TKT: variants seen among roughly 807,000 people sequenced by gnomAD.
TKT encodes epididymis luminal protein 107.
In TKT, 47 loss-of-function variants were observed where a neutral mutation model predicts 63.9. That is an observed-to-expected ratio of 0.74 (90% confidence interval 0.58 to 0.94). The LOEUF is 0.94. TKT is among the 40% of genes least tolerant of loss of function. The probability of loss-of-function intolerance (pLI) is 0.00; values close to 1 mark genes in which losing one functional copy is unlikely to be tolerated. For missense variants in TKT, 721 were observed against 846.2 expected (o/e 0.85, Z 1.84); for synonymous variants, 338 against 334.1 (o/e 1.01, Z -0.13).
Position 53,230,520 on chromosome 3 carries a change from C to T in TKT, c.1044G>A (p.Ser348=), listed in dbSNP as rs200352787. 40 of 1,614,046 alleles carry T rather than the reference C, an allele frequency of 2.5e-5. No individual in the cohort carries two copies. Among genetic ancestry groups the T allele is most frequent in the Middle Eastern group, 1.6e-4 (1 of 6,084 alleles). Residue 348 remains serine, a synonymous_variant, in exon 8 of 14, where the codon TCG becomes TCA. Transcript: ENST00000462138. ...LDGDTKNSTF[S]EIFKKEHPDR... ...CCGGGTGCTCCTTTTTGAAGATCTC[C>T]GAGAAGGTGGAATTTTTGGTGTCCC...
chr3:53,229,160 T>C, intron 9 of TKT, 23 bp from the exon 10 acceptor site: 1 of 1,613,980 alleles, frequency 6.2e-7, no homozygotes. Flanking sequence ...GGAAAGGATA[T>C]GCAGAAATAA....
intron 2 of TKT, among the ~76,000 whole-genome samples, chr3:53,241,645 C>T (rs564148116): frequency 6.6e-6 from 1 of 152,364 alleles, no homozygotes; most frequent in East Asian, 1.9e-4. Context: ...TTTCAGGGAT[C>T]TGTGGCTGTG....
At chr3:53,247,378 A>AAAAT (rs1553681097) in intron 1 of TKT, among the ~76,000 whole-genome samples, 4 of 147,554 alleles carry the variant, frequency 2.7e-5, no homozygotes, top group African/African-American at 5.0e-5. Context: ...AAAAAAAAAA[A>AAAAT]TTTAGAAGAG....
chr3:53,238,732 C>G (rs782417795), intron 4 of TKT, among the ~76,000 whole-genome samples: 1 of 152,234 alleles, frequency 6.6e-6, no homozygotes, highest in Non-Finnish European at 1.5e-5. Flanking sequence ...CCAAGAGCAG[C>G]CTGGGTACCT....
intron 6 of TKT, 34 bp downstream of exon 6, chr3:53,233,122 G>A: frequency 6.3e-7 from 1 of 1,584,402 alleles, no homozygotes; most frequent in Non-Finnish European, 8.7e-7. Flanking sequence ...TGGGCGAGGG[G>A]TGAAGGTGGG....
At chr3:53,247,313 C>T (rs576723295) in intron 1 of TKT, among the ~76,000 whole-genome samples, 1 of 142,152 alleles carries the variant, frequency 7.0e-6, no homozygotes, top group Admixed American at 7.3e-5. Flanking sequence ...GCTGAGATCT[C>T]ACCATTGCAC....
Position 53,235,006 on chromosome 3 carries a change from G to A in TKT, c.606C>T (p.Tyr202=). 6.2e-7 allele frequency: 1 copy of A among 1,613,722 alleles called. No homozygotes were observed. The highest frequency in any genetic ancestry group is 8.5e-7 in the Non-Finnish European group (1 of 1,179,874). The change falls in exon 5 of 14, where the codon TAC becomes TAT. Residue 202 remains tyrosine, a synonymous_variant. Transcript: ENST00000462138. ...PAPLQHQMDI[Y]QKRCEAFGWH... ...ACCCGAAGGCCTCGCACCGCTTCTG[G>A]TAGATGTCCATCTGGTGCTGCAGTG...
chr3:53,227,557 G>A (rs185310316), intron 12 of TKT: 2 of 160,132 alleles, frequency 1.2e-5, no homozygotes, highest in African/African-American at 4.8e-5. Flanking sequence ...TCTATTGCAG[G>A]AGAGGCCAAT....
At chr3:53,249,370 T>C (rs1332540057) in intron 1 of TKT, among the ~76,000 whole-genome samples, 1 of 151,722 alleles carries the variant, frequency 6.6e-6, no homozygotes, top group Non-Finnish European at 1.5e-5. Context: ...TCACCTGAGG[T>C]CAGGAATTCA....
Position 53,235,080 on chromosome 3 carries a change from G to A in TKT, c.532C>T (p.Leu178Phe), listed in dbSNP as rs1553678231. 1 of 1,614,026 alleles carries A rather than the reference G, an allele frequency of 6.2e-7. No individual in the cohort carries two copies. Among genetic ancestry groups the A allele is most frequent in the East Asian group, 2.2e-5 (1 of 44,882 alleles). The change falls in exon 5 of 14, where the codon CTT (leucine) becomes TTT (phenylalanine). Residue 178 changes from leucine to phenylalanine, a missense_variant. Transcript: ENST00000462138. ...CGATTGATGTCTAGAATGGCCACAAGGTTGTCCAGCTTATAGATGCTGGCG... is the reference window on the plus strand; with the variant it reads ...CGATTGATGTCTAGAATGGCCACAAAGTTGTCCAGCTTATAGATGCTGGCG... ...AFASIYKLDN[L>F]VAILDINRLG...
chr3:53,255,308 TCTAGAGTCGGACTG>T (rs1204954354), intron 1 of TKT, among the ~76,000 whole-genome samples: 1 of 152,178 alleles, frequency 6.6e-6, no homozygotes, highest in African/African-American at 2.4e-5. Flanking sequence ...AAACAGGGTC[TCTAGAGTCGGACTG>T]CTGGGGCTCA....
intron 10 of TKT, 182 bp downstream of exon 10, chr3:53,228,825 G>A (rs1559645823): frequency 1.7e-5 from 14 of 818,684 alleles, no homozygotes; most frequent in African/African-American, 3.4e-5. Flanking sequence ...TGTCTGCCAC[G>A]TGGCAGTAAG....
At chr3:53,243,924 T>C (rs1705395600) in intron 1 of TKT, among the ~76,000 whole-genome samples, 1 of 152,174 alleles carries the variant, frequency 6.6e-6, no homozygotes, top group Non-Finnish European at 1.5e-5. Context: ...GGACGGTAAG[T>C]GCAGGGCTCC....
rs1449851392 is a variant in TKT, at chr3:53,240,331, G to A, written c.357C>T (p.Asp119=). The A allele has an allele frequency of 1.3e-5, 21 of 1,612,762 alleles. No homozygotes were observed. Among genetic ancestry groups the A allele is most frequent in the South Asian group, 3.3e-5 (3 of 90,964 alleles). The change falls in exon 4 of 14, where the codon GAC becomes GAT. Residue 119 remains aspartate, a synonymous_variant. Coordinates refer to ENST00000462138, the MANE Select transcript of TKT (RefSeq NM_001064.4). The part of the protein sequence containing the change: ...GHPVPKQAFT[D]VATGSLGQGL... ...CCTGGCCCAGGGAGCCAGTGGCCAC[G>A]TCGGTGAAAGCTTGTTTCTGTCATA...
rs1575562031 is a variant in TKT, at chr3:53,231,768, C to T, written c.749-218G>A. The T allele has an allele frequency of 1.6e-5, 9 of 562,218 alleles. No homozygotes were observed. In the East Asian group the frequency reaches 2.4e-4, roughly 15 times the overall value. 34.8% of individuals were successfully genotyped at this position (562,218 alleles called of 1,614,324 possible). On this transcript the variant is annotated intron_variant, in intron 6 of 13. Transcript: ENST00000462138. ...GTGCCCACCACTCACTGTCTACTGC[C>T]TGGTCCTTTGGGAGCTCACAGCTGA...
At chr3:53,255,803 G>A (rs781798573) in intron 1 of TKT, 33 bp downstream of exon 1, 23 of 1,413,928 alleles carry the variant, frequency 1.6e-5, no homozygotes, top group Middle Eastern at 2.4e-4. Context: ...CGCCCCGCCC[G>A]AGCCGCGTCC....
chr3:53,243,013 C>A (rs940025528), intron 1 of TKT, among the ~76,000 whole-genome samples: 1 of 152,176 alleles, frequency 6.6e-6, no homozygotes, highest in Non-Finnish European at 1.5e-5. Context: ...ATAATCTCAT[C>A]TCCTACAAGG....
At chr3:53,246,211 T>A (rs550594562) in intron 1 of TKT, among the ~76,000 whole-genome samples, 1 of 152,108 alleles carries the variant, frequency 6.6e-6, no homozygotes, top group East Asian at 1.9e-4. Context: ...GAGGTTGCAG[T>A]GAATCAAGAT....
intron 1 of TKT, among the ~76,000 whole-genome samples, chr3:53,255,283 T>C (rs1479862605): frequency 6.6e-6 from 1 of 152,166 alleles, no homozygotes; most frequent in Non-Finnish European, 1.5e-5. Flanking sequence ...CCGAGTCTCC[T>C]GCAAGAGGAA....
Sources: allele counts gnomAD v4.1 joint callset (sites outside exome capture counted in the v4.1 genomes callset), GRCh38; gene constraint gnomAD v4.1.1; transcripts MANE v1.5; gene names NCBI Gene and HGNC (gene_info 2026-07-23, HGNC 2026-07-21).